The following TCF23 variants were observed in gnomAD, a reference collection of about 807,000 sequenced individuals.
TCF23 encodes transcription factor 23.
Under a neutral mutation model 13.0 loss-of-function variants are expected in TCF23, and 7 were observed. The observed-to-expected ratio is 0.54, with a 90% CI of 0.31 to 1.01. The LOEUF is 1.01. Ranked by LOEUF, TCF23 falls within the 50% of genes least tolerant of loss-of-function variation. TCF23 has a pLI of 0.06. For synonymous variants in TCF23, 122 were observed against 119.5 expected (o/e 1.02, Z -0.14); for missense variants, 257 against 289.8 (o/e 0.89, Z 0.82).
Position 27,152,687 on chromosome 2 carries a change from G to T in TCF23, c.466-1G>T, listed in dbSNP as rs1017070023. 1 of 1,612,798 alleles carries T rather than the reference G, an allele frequency of 6.2e-7. No individual in the cohort carries two copies. Among genetic ancestry groups the T allele is most frequent in the African/African-American group, 1.3e-5 (1 of 74,894 alleles). On this transcript the variant is annotated splice_acceptor_variant, in intron 2 of 2. Coordinates refer to ENST00000296096, the MANE Select transcript of TCF23 (RefSeq NM_175769.3). LOFTEE classifies it high-confidence loss of function. ...CTCACTTCCCAATCTGTGTCTTGCA[G>T]AAGTGGCCGATGCGATCTCGTCTCT... is the stretch of plus-strand genomic sequence containing the variant.
intron 2 of TCF23, among the ~76,000 whole-genome samples, chr2:27,151,152 C>T (rs1267954614): frequency 3.9e-5 from 6 of 152,046 alleles, no homozygotes; most frequent in Admixed American, 3.3e-4. Context: ...AGGCTGAAAG[C>T]GGTTTGAACT....
rs1337675280 is a variant in TCF23, at chr2:27,153,753, AC to A, written c.*887del. The A allele has an allele frequency of 6.6e-6, 1 of 152,088 alleles. No individual in the cohort carries two copies. The highest frequency in any genetic ancestry group is 2.4e-5 in the African/African-American group (1 of 41,400). The allele number at this position is 152,088 out of a possible 1,614,324, so 9.4% of individuals were successfully genotyped here. On this transcript the variant is annotated 3_prime_UTR_variant, in exon 3 of 3. Coordinates refer to ENST00000296096, the MANE Select transcript of TCF23 (RefSeq NM_175769.3). ...TGCTTACATTCCAGTTTCCAGAGAA[AC>A]TTTTAGATAGTCCCAGATGCCTAGT...
chr2:27,151,315 A>C (rs1466016808), intron 2 of TCF23, among the ~76,000 whole-genome samples: 1 of 152,028 alleles, frequency 6.6e-6, no homozygotes, highest in Non-Finnish European at 1.5e-5. Flanking sequence ...CAACTTTTTT[A>C]TTTTATTATT....
At position 27,150,457 on chromosome 2, in the gene TCF23, G is replaced by GC; in HGVS notation, c.465+97dup. 1 of 1,550,994 alleles carries GC rather than the reference G, an allele frequency of 6.4e-7. No individual in the cohort carries two copies. The highest frequency in any genetic ancestry group is 8.8e-7 in the Non-Finnish European group (1 of 1,141,810). The stretch of plus-strand genomic sequence containing the variant: ...GAATGAGGGGGGACATTGGACTTGG[G>GC]CCCCCTGCCCTGTGCAGAACTGACG... On this transcript the variant is annotated intron_variant, in intron 2 of 2. Transcript: ENST00000296096. This position sits in a 1 kb window ranked among gnomAD's most constrained non-coding sequence, Gnocchi z 4.1.
Position 27,149,033 on chromosome 2 carries a change from T to C in TCF23, c.-101T>C, listed in dbSNP as rs2148428520. 8.7e-7 allele frequency: 1 copy of C among 1,146,416 alleles called. No homozygotes were observed. The highest frequency in any genetic ancestry group is 1.2e-6 in the Non-Finnish European group (1 of 809,532). The allele number at this position is 1,146,416 out of a possible 1,614,324, so 71.0% of individuals were successfully genotyped here. A position where few individuals can be genotyped will look rare whatever the true frequency, so the allele number is the denominator to read the frequency against. On this transcript the variant is annotated 5_prime_UTR_variant, in exon 1 of 3. Coordinates refer to ENST00000296096, the MANE Select transcript of TCF23 (RefSeq NM_175769.3). ...TGGCGCCAGCTTCCTCGGATGTAGA[T>C]ATTGCTGGCTGGATGACCAGCCACA... is the stretch of plus-strand genomic sequence containing the variant.
intron 2 of TCF23, among the ~76,000 whole-genome samples, chr2:27,151,669 A>G (rs1464582266): frequency 7.0e-6 from 1 of 143,364 alleles, no homozygotes; most frequent in Non-Finnish European, 1.5e-5. Flanking sequence ...ACAGGGTCTC[A>G]CTGTCGCCCA....
Position 27,150,368 on chromosome 2 carries a change from A to G in TCF23, c.465+3A>G, listed in dbSNP as rs1672745056. 6.2e-7 allele frequency: 1 copy of G among 1,611,266 alleles called. No homozygotes were observed. The highest frequency in any genetic ancestry group is 8.5e-7 in the Non-Finnish European group (1 of 1,178,328). ...TCCGCTACTTGCACCCTCTCAAGGTAAGTCACAAGCCCTGGGACTTGAGAG... is the reference window on the plus strand; with the variant it reads ...TCCGCTACTTGCACCCTCTCAAGGTGAGTCACAAGCCCTGGGACTTGAGAG... On this transcript the variant is annotated splice_donor_region_variant and intron_variant, in intron 2 of 2. Transcript: ENST00000296096. The surrounding 1 kb of genome is among the most constrained non-coding windows in gnomAD (Gnocchi z 4.1).
chr2:27,149,695 C>T, intron 1 of TCF23: 1 of 591,310 alleles, frequency 1.7e-6, no homozygotes, highest in Non-Finnish European at 3.3e-6. Flanking sequence ...CTGTGTCTTT[C>T]CTCTTTCCCA....
rs1025819424 is a variant in TCF23, at chr2:27,155,179, C to G, written c.*2312C>G. The G allele has an allele frequency of 3.9e-5, 6 of 152,366 alleles. No individual in the cohort carries two copies. The highest frequency in any genetic ancestry group is 1.2e-4 in the African/African-American group (5 of 41,446). 9.4% of individuals were successfully genotyped at this position (152,366 alleles called of 1,614,324 possible). A position where few individuals can be genotyped will look rare whatever the true frequency, so the allele number is the denominator to read the frequency against. On this transcript the variant is annotated 3_prime_UTR_variant, in exon 3 of 3. Coordinates refer to ENST00000296096, the MANE Select transcript of TCF23 (RefSeq NM_175769.3). ...TGTCTTGGGCCCTTTCCAGGCAAAG[C>G]TGTTCTCCTTTGTGCCCAGGACAGT...
At chr2:27,149,719 G>A (rs891353674) in intron 1 of TCF23, 17 of 592,538 alleles carry the variant, frequency 2.9e-5, no homozygotes, top group African/African-American at 9.2e-5. Flanking sequence ...CAGCCTCGTC[G>A]TCTCAGGACC....
Position 27,154,675 on chromosome 2 carries a change from C to A in TCF23, c.*1808C>A. 6.6e-6 allele frequency: 1 copy of A among 152,588 alleles called. No individual in the cohort carries two copies. Among genetic ancestry groups the A allele is most frequent in the Non-Finnish European group, 1.5e-5 (1 of 68,254 alleles). The allele number at this position is 152,588 out of a possible 1,614,324, so 9.5% of individuals were successfully genotyped here. ...TTGAACCACGTCTCTGCAGAGGGAC[C>A]CTGAAGAGCTTGTGCAGAGCTGATG... On this transcript the variant is annotated 3_prime_UTR_variant, in exon 3 of 3. Transcript: ENST00000296096.
intron 1 of TCF23, chr2:27,149,910 C>A (rs1484385193): frequency 2.8e-6 from 2 of 725,342 alleles, no homozygotes; most frequent in African/African-American, 3.5e-5. Context: ...CTCTGCCATC[C>A]TGCAGCCATC....
chr2:27,152,926 T>C lies in TCF23; in HGVS notation c.*59T>C. ...CTCATGCTTATGGGCCTGGATTTTC[T>C]ACCAGCCCCCAGATTCTCAGCCATC... On this transcript the variant is annotated 3_prime_UTR_variant, in exon 3 of 3. Transcript: ENST00000296096. The C allele has an allele frequency of 6.4e-7, 1 of 1,556,796 alleles. No individual in the cohort carries two copies. The highest frequency in any genetic ancestry group is 1.9e-5 in the Admixed American group (1 of 53,634).
intron 2 of TCF23, 21 bp from the exon 3 acceptor site, chr2:27,152,667 T>C: frequency 6.2e-7 from 1 of 1,607,058 alleles, no homozygotes; most frequent in Non-Finnish European, 8.5e-7. Context: ...CATTTCTCAC[T>C]TCCCAATCTG....
intron 2 of TCF23, among the ~76,000 whole-genome samples, chr2:27,152,131 G>C (rs925829744): frequency 3.9e-5 from 6 of 152,210 alleles, no homozygotes; most frequent in African/African-American, 1.4e-4. Context: ...GTGATCAACA[G>C]CTATGCTGAA....
In TCF23 at chr2:27,149,157, G is replaced by A; in HGVS notation, c.24G>A (p.Gly8=). 6.5e-7 allele frequency: 1 copy of A among 1,550,270 alleles called. No homozygotes were observed. Among genetic ancestry groups the A allele is most frequent in the South Asian group, 1.2e-5 (1 of 83,988 alleles). Residue 8 remains glycine, a synonymous_variant, in exon 1 of 3, where the codon GGG becomes GGA. Coordinates refer to ENST00000296096, the MANE Select transcript of TCF23 (RefSeq NM_175769.3). Reference sequence around the variant, plus strand: ...GCATGTCACAGAGGAAGGCCAGAGGGCCACCAGCCATGCCAGGGGTGGGGC... The same window carrying A: ...GCATGTCACAGAGGAAGGCCAGAGGACCACCAGCCATGCCAGGGGTGGGGC... MSQRKAR[G]PPAMPGVGHS... is the part of the protein sequence containing the mutation.
At position 27,150,222 on chromosome 2, in the gene TCF23, C is replaced by T; in HGVS notation, c.322C>T (p.Pro108Ser). ...GCAGGCTGCTCTGCCTGCCGTGCCG[C>T]CCGACACCAAGCTCTCCAAGTTGGA... ...ALQAALPAVP[P>S]DTKLSKLDVL... is the part of the protein sequence containing the mutation. The change falls in exon 2 of 3, where the codon CCC becomes TCC. Residue 108 changes from proline to serine, a missense_variant. Transcript: ENST00000296096. This position sits in a 1 kb window ranked among gnomAD's most constrained non-coding sequence, Gnocchi z 4.1. The T allele has an allele frequency of 6.2e-7, 1 of 1,613,350 alleles. No individual in the cohort carries two copies. The highest frequency in any genetic ancestry group is 8.5e-7 in the Non-Finnish European group (1 of 1,179,878).
Position 27,149,224 on chromosome 2 carries a change from G to A in TCF23, c.91G>A (p.Asp31Asn). 1.9e-6 allele frequency: 3 copies of A among 1,563,090 alleles called. No individual in the cohort carries two copies. Among genetic ancestry groups the A allele is most frequent in the Non-Finnish European group, 1.7e-6 (2 of 1,153,740 alleles). ...CAAAGCACGGTTGCTGCCAGGCGCT[G>A]ACAGGAAGAGGAGCCGCCTCAGCAG... ...QAKARLLPGA[D>N]RKRSRLSRTR... Residue 31 changes from aspartate (D) to asparagine (N), a missense_variant, in exon 1 of 3, where the codon GAC (aspartate) becomes AAC (asparagine). Asp to Asn is a conservative substitution (Grantham distance 23). Coordinates refer to ENST00000296096, the MANE Select transcript of TCF23 (RefSeq NM_175769.3).
chr2:27,151,211 C>G (rs1231867326), intron 2 of TCF23, among the ~76,000 whole-genome samples: 2 of 152,140 alleles, frequency 1.3e-5, no homozygotes, highest in African/African-American at 4.8e-5. Flanking sequence ...TAAACAGTCT[C>G]CAGGGACAGC....
Sources: allele counts gnomAD v4.1 joint callset (sites outside exome capture counted in the v4.1 genomes callset), GRCh38; gene constraint gnomAD v4.1.1; non-coding constraint Gnocchi (gnomAD v3.1); transcripts MANE v1.5; gene names NCBI Gene and HGNC (gene_info 2026-07-23, HGNC 2026-07-21).